CRPPA: variants seen among roughly 807,000 people sequenced by gnomAD.
CRPPA encodes D-ribitol-5-phosphate cytidylyltransferase.
A neutral mutation model predicts 52.0 loss-of-function variants in CRPPA; 43 were observed. The observed-to-expected ratio is 0.83, with a 90% confidence interval of 0.65 to 1.07. CRPPA has a LOEUF of 1.07. Ranked by LOEUF, CRPPA falls within the 50% of genes least tolerant of loss-of-function variation. The pLI, the probability that CRPPA is intolerant of heterozygous loss-of-function variation, is 0.00. For synonymous variants in CRPPA, 250 were observed against 203.5 expected (o/e 1.23, Z -1.94); for missense variants, 629 against 551.7 (o/e 1.14, Z -1.40).
At chr7:16,243,366 A>G (rs1292580654) in intron 8 of CRPPA, among the ~76,000 whole-genome samples, 2 of 152,172 alleles carry the variant, frequency 1.3e-5, no homozygotes, top group Admixed American at 1.3e-4. Context: ...CAGTGTGAAA[A>G]CAGACTAACA....
intron 3 of CRPPA, among the ~76,000 whole-genome samples, chr7:16,369,157 C>T (rs1014207271): frequency 7.2e-5 from 11 of 152,092 alleles, no homozygotes; most frequent in South Asian, 2.1e-4. Flanking sequence ...CTGGGAGCAT[C>T]GGCAAGCTAC....
At chr7:16,224,690 C>T (rs1782604452) in intron 8 of CRPPA, among the ~76,000 whole-genome samples, 1 of 152,184 alleles carries the variant, frequency 6.6e-6, no homozygotes, top group East Asian at 1.9e-4. Flanking sequence ...CAAAACATCA[C>T]TTTTCAAAAG....
At chr7:16,280,345 A>AC (rs751005166) in intron 5 of CRPPA, among the ~76,000 whole-genome samples, 2 of 152,202 alleles carry the variant, frequency 1.3e-5, no homozygotes, top group Non-Finnish European at 2.9e-5. Context: ...AACAGAGTTA[A>AC]CCCAAACTTA....
intron 9 of CRPPA, among the ~76,000 whole-genome samples, chr7:16,179,496 AAG>A (rs1318162570): frequency 6.6e-6 from 1 of 152,040 alleles, no homozygotes; most frequent in African/African-American, 2.4e-5. Flanking sequence ...GTAGATGGGT[AAG>A]AGAGAGAGGT....
At chr7:16,394,505 G>C (rs1198012629) in intron 2 of CRPPA, among the ~76,000 whole-genome samples, 1 of 152,100 alleles carries the variant, frequency 6.6e-6, no homozygotes, top group East Asian at 1.9e-4. Flanking sequence ...GATTAAATAA[G>C]ACTTGGGAGG....
At chr7:16,321,509 T>C (rs575599287) in intron 3 of CRPPA, among the ~76,000 whole-genome samples, 7 of 152,252 alleles carry the variant, frequency 4.6e-5, no homozygotes, top group South Asian at 4.1e-4. Context: ...GTGGTTTATA[T>C]TCATACAAGG....
At chr7:16,251,328 A>G (rs1346033475) in intron 8 of CRPPA, among the ~76,000 whole-genome samples, 2 of 152,018 alleles carry the variant, frequency 1.3e-5, no homozygotes. Context: ...CGAGACAGAA[A>G]ATTAACAAGG....
chr7:16,109,064 A>G (rs905011874), intron 9 of CRPPA, among the ~76,000 whole-genome samples: 2 of 151,904 alleles, frequency 1.3e-5, no homozygotes, highest in African/African-American at 4.8e-5. Context: ...GCAGAAAAAA[A>G]GTGGTGATAA....
At chr7:16,248,985 C>T (rs1003878400) in intron 8 of CRPPA, among the ~76,000 whole-genome samples, 2 of 152,302 alleles carry the variant, frequency 1.3e-5, no homozygotes, top group African/African-American at 4.8e-5. Context: ...GAAATTCTCG[C>T]TGCTAGTACA....
chr7:16,100,626 A>G (rs1160639300), intron 9 of CRPPA, among the ~76,000 whole-genome samples: 2 of 152,138 alleles, frequency 1.3e-5, no homozygotes, highest in Non-Finnish European at 2.9e-5. Context: ...CTCTCTTCCT[A>G]TTTGAATATC....
intron 5 of CRPPA, among the ~76,000 whole-genome samples, chr7:16,297,858 C>T (rs1315661711): frequency 2.0e-5 from 3 of 152,186 alleles, no homozygotes; most frequent in Admixed American, 6.5e-5. Flanking sequence ...GCTGGCAGAT[C>T]GTGGGACTTA....
chr7:16,413,270 G>A lies in CRPPA; in HGVS notation c.258-6933C>T, dbSNP rs73291270. Among the ~76,000 whole-genome samples the A allele has an allele frequency of 3.1e-3, 472 of 152,220 alleles. 3 individuals carry two copies. The highest frequency in any genetic ancestry group is 0.01 in the African/African-American group (432 of 41,538). On this transcript the variant is annotated intron_variant, in intron 1 of 9. Transcript: ENST00000407010. ...CCTACTATGGCCCATGAAGGCTCCC[G>A]GTTGTCAGGCCTCAGCCTACCTGCC... is the stretch of plus-strand genomic sequence containing the variant.
chr7:16,403,292 G>GA (rs1787871813), intron 2 of CRPPA, among the ~76,000 whole-genome samples: 1 of 152,140 alleles, frequency 6.6e-6, no homozygotes, highest in Non-Finnish European at 1.5e-5. Context: ...CAGGCAAAAA[G>GA]AAAAACTGGG....
chr7:16,107,539 G>A (rs927295348), intron 9 of CRPPA, among the ~76,000 whole-genome samples: 1 of 152,054 alleles, frequency 6.6e-6, no homozygotes, highest in African/African-American at 2.4e-5. Context: ...TTTCAGAAAT[G>A]AAGGAGAAAT....
At chr7:16,114,224 A>G (rs942444058) in intron 9 of CRPPA, among the ~76,000 whole-genome samples, 5 of 151,920 alleles carry the variant, frequency 3.3e-5, no homozygotes, top group African/African-American at 1.2e-4. Flanking sequence ...TCAGGTGGCT[A>G]AAGCAAATGG....
At chr7:16,294,237 GT>G (rs921581475) in intron 5 of CRPPA, among the ~76,000 whole-genome samples, 2 of 151,668 alleles carry the variant, frequency 1.3e-5, no homozygotes, top group East Asian at 1.9e-4. Flanking sequence ...GTTTTTTTGG[GT>G]TTTTTTTAAC....
At chr7:16,182,495 C>T (rs1232645090) in intron 9 of CRPPA, among the ~76,000 whole-genome samples, 1 of 151,960 alleles carries the variant, frequency 6.6e-6, no homozygotes, top group South Asian at 2.1e-4. Context: ...GCTTTATATC[C>T]AAAGTGTTAA....
intron 9 of CRPPA, among the ~76,000 whole-genome samples, chr7:16,198,667 T>C (rs1230032454): frequency 6.7e-6 from 1 of 149,010 alleles, no homozygotes; most frequent in Non-Finnish European, 1.5e-5. Context: ...CCCACAGGTG[T>C]GTAGGGGCAA....
At chr7:16,222,807 A>G (rs568908644) in intron 8 of CRPPA, among the ~76,000 whole-genome samples, 2 of 152,250 alleles carry the variant, frequency 1.3e-5, no homozygotes, top group East Asian at 3.9e-4. Context: ...ACATTTTAAA[A>G]ATTTTTACTG....
Sources: gnomAD v4.1 joint callset for allele counts (sites outside exome capture counted in the v4.1 genomes callset) on GRCh38, gnomAD v4.1.1 for gene constraint, MANE v1.5 for transcripts, NCBI Gene and HGNC (gene_info 2026-07-23, HGNC 2026-07-21) for gene names.